Variants in PRKCQ observed in about 807,000 individuals in gnomAD.
The protein encoded by PRKCQ is protein kinase C theta type.
Under a neutral mutation model 91.2 loss-of-function variants are expected in PRKCQ, and 41 were observed. That is an observed-to-expected ratio of 0.45 (90% CI 0.35 to 0.58). PRKCQ has a LOEUF of 0.58. PRKCQ is among the 20% of genes least tolerant of loss of function. PRKCQ has a pLI of 0.00. For missense variants in PRKCQ, 673 were observed against 896.5 expected (o/e 0.75, Z 3.18); for synonymous variants, 307 against 316.9 (o/e 0.97, Z 0.33).
intron 1 of PRKCQ, among the ~76,000 whole-genome samples, chr10:6,549,755 C>T (rs931220014): frequency 2.0e-5 from 3 of 151,398 alleles, no homozygotes; most frequent in Non-Finnish European, 4.4e-5. Flanking sequence ...CTCAGCCTCC[C>T]GAGTAGCTGA....
chr10:6,511,329 T>C lies in PRKCQ; in HGVS notation c.119-135A>G, dbSNP rs189551313. ...CTGTTGGGAAGACAAAAGTAGCACA[T>C]AAACAATCAGAGACAATATGGGACA... On this transcript the variant is annotated intron_variant, in intron 2 of 17. Coordinates refer to ENST00000263125, the MANE Select transcript of PRKCQ (RefSeq NM_006257.5). The C allele has an allele frequency of 2.2e-5, 18 of 803,588 alleles. No homozygotes were observed. The Admixed American group carries it at 3.9e-4, about 17-fold the overall frequency. The allele number at this position is 803,588 out of a possible 1,614,324, so 49.8% of individuals were successfully genotyped here. A position where few individuals can be genotyped will look rare whatever the true frequency, so the allele number is the denominator to read the frequency against.
At chr10:6,577,181 G>A (rs1841272384) in intron 1 of PRKCQ, among the ~76,000 whole-genome samples, 1 of 152,194 alleles carries the variant, frequency 6.6e-6, no homozygotes, top group Admixed American at 6.5e-5. Context: ...TTCTGGGCTT[G>A]AGTGAGCTTT....
Position 6,543,780 on chromosome 10 carries a change from G to T in PRKCQ, c.-9-28636C>A, listed in dbSNP as rs117565422. Reference sequence around the variant, plus strand: ...TGGGGACAAGGACTGGAGGAAACTGGGGGGTCGGCTGTACTCCTTCCACAA... The same window carrying T: ...TGGGGACAAGGACTGGAGGAAACTGTGGGGTCGGCTGTACTCCTTCCACAA... On this transcript the variant is annotated intron_variant, in intron 1 of 17. Coordinates refer to ENST00000263125, the MANE Select transcript of PRKCQ (RefSeq NM_006257.5). Among the ~76,000 whole-genome samples the T allele has an allele frequency of 5.1e-3, 772 of 152,262 alleles. 24 individuals are homozygous for T. In the East Asian group the frequency reaches 0.079, roughly 16 times the overall value.
Position 6,482,024 on chromosome 10 carries a change from C to T in PRKCQ, c.1179+1416G>A, listed in dbSNP as rs143693296. 1.9e-3 allele frequency among the ~76,000 whole-genome samples: 292 copies of T among 150,698 alleles called. 4 individuals carry two copies. Among genetic ancestry groups the T allele is most frequent in the African/African-American group, 7.0e-3 (286 of 41,002 alleles). ...TTTTTTTTTTTTGCTCCTCCTCTCC[C>T]TCTTTCCTTCCTCTCCTTGTCATCT... On this transcript the variant is annotated intron_variant, in intron 11 of 17. Transcript: ENST00000263125.
chr10:6,553,489 C>CAAAAAAAA (rs869196227), intron 1 of PRKCQ, among the ~76,000 whole-genome samples: 2 of 8,888 alleles, frequency 2.3e-4, no homozygotes, highest in African/African-American at 4.5e-4. Flanking sequence ...GACCCTGTCT[C>CAAAAAAAA]AAAAAAAAAA....
intron 15 of PRKCQ, among the ~76,000 whole-genome samples, chr10:6,453,543 C>T (rs1405851441): frequency 1.3e-5 from 2 of 152,146 alleles, no homozygotes; most frequent in African/African-American, 4.8e-5. Flanking sequence ...CTAGAAATAC[C>T]ATTTGACCCA....
intron 1 of PRKCQ, among the ~76,000 whole-genome samples, chr10:6,551,900 CT>C (rs1446799205): frequency 6.6e-6 from 1 of 152,196 alleles, no homozygotes; most frequent in African/African-American, 2.4e-5. Context: ...CACCATACTG[CT>C]TTCCACAATG....
At chr10:6,578,965 G>A (rs1841344997) in intron 1 of PRKCQ, among the ~76,000 whole-genome samples, 2 of 152,220 alleles carry the variant, frequency 1.3e-5, no homozygotes, top group Non-Finnish European at 2.9e-5. Flanking sequence ...CGGGCAAGAA[G>A]GGCCCAGTGG....
At chr10:6,462,824 G>A (rs773175444) in intron 13 of PRKCQ, among the ~76,000 whole-genome samples, 3 of 152,084 alleles carry the variant, frequency 2.0e-5, no homozygotes, top group Non-Finnish European at 4.4e-5. Context: ...GGGCAACATG[G>A]TGAAACACCA....
At chr10:6,398,029 A>G in the PRKCQ span, among the ~76,000 whole-genome samples, 196 of 152,332 alleles carry the variant, frequency 1.3e-3, no homozygotes, top group Non-Finnish European at 2.0e-3. Context: ...ATTTAAGTCT[A>G]TCATCCATTT....
At chr10:6,454,608 C>T (rs1461902954) in intron 15 of PRKCQ, among the ~76,000 whole-genome samples, 2 of 152,108 alleles carry the variant, frequency 1.3e-5, no homozygotes, top group African/African-American at 4.8e-5. Context: ...ACATGTAATT[C>T]ACCAAGAAAG....
chr10:6,528,084 CT>C (rs909263916), intron 1 of PRKCQ, among the ~76,000 whole-genome samples: 6 of 151,954 alleles, frequency 3.9e-5, no homozygotes, highest in African/African-American at 1.5e-4. Context: ...TAATTAGAGC[CT>C]CACTGCCTCC....
rs1840290264 is a variant in PRKCQ at position 6,553,530 on chromosome 10, A to C, written c.-10+26681T>G. ...AAAAAAAAAAAAACAAACAAACAAAAGAAGAAGAAGAAGAAAGAAATATGC... is the reference window on the plus strand; with the variant it reads ...AAAAAAAAAAAAACAAACAAACAAACGAAGAAGAAGAAGAAAGAAATATGC... On this transcript the variant is annotated intron_variant, in intron 1 of 17. Transcript: ENST00000263125. 2.7e-5 allele frequency among the ~76,000 whole-genome samples: 4 copies of C among 150,130 alleles called. 1 individual carries two copies. Among genetic ancestry groups the C allele is most frequent in the African/African-American group, 7.5e-5 (3 of 40,184 alleles).
At chr10:6,403,967 G>T in the PRKCQ span, among the ~76,000 whole-genome samples, 5 of 152,036 alleles carry the variant, frequency 3.3e-5, no homozygotes, top group Admixed American at 6.6e-5. Context: ...TCTCTATGGT[G>T]ACAGATAAGA....
At chr10:6,528,935 T>A (rs1408408882) in intron 1 of PRKCQ, among the ~76,000 whole-genome samples, 2 of 152,216 alleles carry the variant, frequency 1.3e-5, no homozygotes, top group Non-Finnish European at 2.9e-5. Flanking sequence ...TACCTGGGGC[T>A]TAATGATCTT....
chr10:6,459,591 G>T (rs1835208610), intron 14 of PRKCQ, among the ~76,000 whole-genome samples: 1 of 152,208 alleles, frequency 6.6e-6, no homozygotes, highest in South Asian at 2.1e-4. Flanking sequence ...ATGTAATTAA[G>T]TTAAAGATAT....
chr10:6,426,850 C>T (rs1175338046), downstream of PRKCQ, among the ~76,000 whole-genome samples: 1 of 152,204 alleles, frequency 6.6e-6, no homozygotes, highest in African/African-American at 2.4e-5. Context: ...CTACTCCTGC[C>T]TCAGCCTCCC....
At chr10:6,509,761 A>G (rs1312498458) in intron 3 of PRKCQ, among the ~76,000 whole-genome samples, 1 of 152,190 alleles carries the variant, frequency 6.6e-6, no homozygotes, top group Admixed American at 6.5e-5. Flanking sequence ...ATACTGCCCA[A>G]CTAAATTACC....
At chr10:6,445,146 A>C (rs1326534880) in intron 15 of PRKCQ, among the ~76,000 whole-genome samples, 1 of 149,678 alleles carries the variant, frequency 6.7e-6, no homozygotes, top group Non-Finnish European at 1.5e-5. Flanking sequence ...AAAAAAAAAA[A>C]AAATTCCAGA....
Sources: allele counts gnomAD v4.1 joint callset (sites outside exome capture counted in the v4.1 genomes callset), GRCh38; gene constraint gnomAD v4.1.1; transcripts MANE v1.5; gene names NCBI Gene and HGNC (gene_info 2026-07-23, HGNC 2026-07-21).